ADCY9: variants seen among roughly 807,000 people sequenced by gnomAD.
ADCY9 encodes adenylate cyclase type 9.
A neutral mutation model predicts 101.5 loss-of-function variants in ADCY9; 50 were observed. The ratio of observed to expected loss-of-function variants is 0.49; its 90% CI spans 0.39 to 0.62. The LOEUF (loss-of-function observed/expected upper bound fraction) is 0.62, where lower values mean the gene tolerates loss of function less well. Ranked by LOEUF, ADCY9 falls within the 20% of genes least tolerant of loss-of-function variation. The pLI is 0.00. For synonymous variants in ADCY9, 905 were observed against 769.3 expected, an observed-to-expected ratio of 1.18 and a Z score of -2.92; for missense variants, 1,662 against 1,800.4, an observed-to-expected ratio of 0.92 and a Z score of 1.39.
At chr16:3,970,881 C>A (rs2056045215) in intron 10 of ADCY9, among the ~76,000 whole-genome samples, 1 of 152,138 alleles carries the variant, frequency 6.6e-6, no homozygotes, top group African/African-American at 2.4e-5. Flanking sequence ...TGAAGATGGA[C>A]TGGAGCATGG....
At position 3,992,851 on chromosome 16, in the gene ADCY9, G is replaced by T. The variant is rs1011615951; in HGVS notation, c.1990-488C>A. 3.3e-5 allele frequency among the ~76,000 whole-genome samples: 5 copies of T among 152,140 alleles called. No individual in the cohort carries two copies. Among genetic ancestry groups the T allele is most frequent in the Non-Finnish European group, 2.9e-5 (2 of 68,012 alleles). The stretch of plus-strand genomic sequence containing the variant: ...GCTGTGGGAAGGCATGGGATGACCT[G>T]CACCTGCAATCCTTTGGCAGATGGA... On this transcript the variant is annotated intron_variant, in intron 4 of 10. Coordinates refer to ENST00000294016, the MANE Select transcript of ADCY9 (RefSeq NM_001116.4). This position sits in a 1 kb window ranked among gnomAD's most constrained non-coding sequence, Gnocchi z 4.2.
downstream of ADCY9, among the ~76,000 whole-genome samples, chr16:3,959,362 CA>C (rs71133675): frequency 0.22 from 29,201 of 132,852 alleles, 3,074 homozygotes; most frequent in African/African-American, 0.35. Context: ...ACTCTTATCT[CA>C]AAAAAAAAAA....
chr16:4,012,541 T>C (rs867678096), intron 2 of ADCY9, among the ~76,000 whole-genome samples: 39 of 151,554 alleles, frequency 2.6e-4, no homozygotes, highest in Middle Eastern at 6.9e-3. Flanking sequence ...TTAATATGAT[T>C]TCTTATATTC....
intron 2 of ADCY9, among the ~76,000 whole-genome samples, chr16:4,112,385 G>T (rs978273437): frequency 6.6e-6 from 1 of 152,112 alleles, no homozygotes; most frequent in African/African-American, 2.4e-5. Flanking sequence ...GTAAAATAAA[G>T]AAAAATCAGA....
chr16:4,029,108 C>G (rs560705764), intron 2 of ADCY9, among the ~76,000 whole-genome samples: 1 of 152,030 alleles, frequency 6.6e-6, no homozygotes, highest in Non-Finnish European at 1.5e-5. Flanking sequence ...TAAAGTAAAA[C>G]TTGATCCCTA....
intron 2 of ADCY9, among the ~76,000 whole-genome samples, chr16:4,088,438 C>T (rs972572253): frequency 2.0e-5 from 3 of 151,796 alleles, no homozygotes; most frequent in African/African-American, 7.3e-5. Context: ...ACTACAGGCA[C>T]GTGCCACCAT....
intron 2 of ADCY9, among the ~76,000 whole-genome samples, chr16:4,093,703 G>A (rs754175515): frequency 6.6e-6 from 1 of 152,198 alleles, no homozygotes; most frequent in Non-Finnish European, 1.5e-5. Context: ...AGGCTGCAAT[G>A]AGCTGAGATC....
At chr16:4,027,114 G>A (rs2056521087) in intron 2 of ADCY9, among the ~76,000 whole-genome samples, 1 of 152,138 alleles carries the variant, frequency 6.6e-6, no homozygotes. Context: ...CACTTACATA[G>A]GGTGTAACCA....
rs1941117879 is a variant in ADCY9 at position 3,977,645 on chromosome 16, G to C, written c.2680-15C>G. 6.2e-7 allele frequency: 1 copy of C among 1,603,602 alleles called. No homozygotes were observed. Among genetic ancestry groups the C allele is most frequent in the Non-Finnish European group, 8.5e-7 (1 of 1,172,388 alleles). On this transcript the variant is annotated splice_polypyrimidine_tract_variant and intron_variant, in intron 8 of 10. Coordinates refer to ENST00000294016, the MANE Select transcript of ADCY9 (RefSeq NM_001116.4). ...AACACTGGGAACTGCAAGAGGCGAA[G>C]GGTTAGGACAGCCGCCCAGGGCCAC...
chr16:4,011,086 A>G (rs1269139902), intron 2 of ADCY9, among the ~76,000 whole-genome samples: 1 of 152,072 alleles, frequency 6.6e-6, no homozygotes, highest in Non-Finnish European at 1.5e-5. Context: ...AGACGGACGG[A>G]TCAGCACCCT....
At chr16:3,980,554 C>G (rs867022857) in intron 7 of ADCY9, among the ~76,000 whole-genome samples, 2 of 152,154 alleles carry the variant, frequency 1.3e-5, no homozygotes, top group African/African-American at 2.4e-5. Flanking sequence ...TGGCACAGAG[C>G]CCCCCGCCCC....
chr16:4,051,848 C>T (rs1364852320), intron 2 of ADCY9, among the ~76,000 whole-genome samples: 2 of 152,088 alleles, frequency 1.3e-5, no homozygotes, highest in African/African-American at 4.8e-5. Context: ...AAGAATCATC[C>T]CAGGATGCTA....
At chr16:4,097,554 T>TATATATATATATA (rs1491239469) in intron 2 of ADCY9, among the ~76,000 whole-genome samples, 5 of 24,136 alleles carry the variant, frequency 2.1e-4, no homozygotes, top group African/African-American at 1.3e-3. Flanking sequence ...TATATATATA[T>TATATATATATATA]TTTTTTTTTT....
chr16:4,115,102 C>T lies in ADCY9; in HGVS notation c.341G>A (p.Arg114His), dbSNP rs1327708133. Residue 114 changes from arginine (R) to histidine (H), a missense_variant, in exon 2 of 11, where the codon CGC becomes CAC. Physicochemically the swap from Arg to His is conservative, Grantham distance 29. This residue lies in a region of ADCY9 where 422 missense variants were observed against 392.0 expected (regional missense o/e 1.08). Transcript: ENST00000294016. This position sits in a 1 kb window ranked among gnomAD's most constrained non-coding sequence, Gnocchi z 6.2. ...GTAGAAGAGCGCATACCGGAACCGG[C>T]GCTGGGTCTGCGGGAAGCAGCGCTC... The part of the protein sequence containing the change: ...CLERCFPQTQ[R>H]RFRYALFYIG... 6.2e-7 allele frequency: 1 copy of T among 1,613,898 alleles called. No individual in the cohort carries two copies. Among genetic ancestry groups the T allele is most frequent in the Non-Finnish European group, 8.5e-7 (1 of 1,180,036 alleles).
chr16:4,083,114 G>T, intron 2 of ADCY9, among the ~76,000 whole-genome samples: 1 of 152,238 alleles, frequency 6.6e-6, no homozygotes, highest in Middle Eastern at 3.4e-3. Flanking sequence ...ATCAACCCTG[G>T]AACTGCCATA....
chr16:4,111,926 A>G (rs2057116256), intron 2 of ADCY9, among the ~76,000 whole-genome samples: 1 of 151,954 alleles, frequency 6.6e-6, no homozygotes, highest in Admixed American at 6.6e-5. Flanking sequence ...AATTCACAAA[A>G]TAGGTATTCA....
At chr16:4,046,145 C>T (rs1202312709) in intron 2 of ADCY9, among the ~76,000 whole-genome samples, 1 of 152,108 alleles carries the variant, frequency 6.6e-6, no homozygotes, top group Non-Finnish European at 1.5e-5. Flanking sequence ...GCCACGGCAC[C>T]AGGTCTGAAT....
chr16:3,974,791 A>C, intron 9 of ADCY9, 81 bp from the exon 10 acceptor site: 1 of 1,159,242 alleles, frequency 8.6e-7, no homozygotes, highest in Non-Finnish European at 1.3e-6. Context: ...AGCTTGAACA[A>C]ACTATGTTCC....
At chr16:4,073,011 GAAAC>G (rs1464102587) in intron 2 of ADCY9, among the ~76,000 whole-genome samples, 17 of 100,666 alleles carry the variant, frequency 1.7e-4, no homozygotes, top group Non-Finnish European at 3.2e-4. Flanking sequence ...AAAAAAAAAA[GAAAC>G]AAACAAAACC....
Sources: gnomAD v4.1 joint callset for allele counts (sites outside exome capture counted in the v4.1 genomes callset) on GRCh38, gnomAD v4.1.1 for gene constraint, gnomAD v4.1.1 regional missense constraint, Gnocchi (gnomAD v3.1) non-coding constraint, MANE v1.5 for transcripts, NCBI Gene and HGNC (gene_info 2026-07-23, HGNC 2026-07-21) for gene names.